Variants in RGS20 observed in about 807,000 individuals in gnomAD.
The protein encoded by RGS20 is gz-selective GTPase-activating protein.
RGS20 carries 30 observed loss-of-function variants against 33.6 expected under a neutral mutation model. The ratio of observed to expected loss-of-function variants is 0.89; its 90% CI spans 0.67 to 1.21. The LOEUF (loss-of-function observed/expected upper bound fraction) is 1.21, where lower values mean the gene tolerates loss of function less well. RGS20 is among the 50% of genes most tolerant of loss of function. The probability of loss-of-function intolerance (pLI) is 0.00; values close to 1 mark genes in which losing one functional copy is unlikely to be tolerated. For synonymous variants in RGS20, 208 were observed against 197.9 expected (o/e 1.05, Z -0.43); for missense variants, 472 against 502.4 (o/e 0.94, Z 0.58).
At chr8:53,872,414 T>A (rs1396402638) in intron 1 of RGS20, among the ~76,000 whole-genome samples, 1 of 152,174 alleles carries the variant, frequency 6.6e-6, no homozygotes, top group Non-Finnish European at 1.5e-5. Flanking sequence ...GTTGCCCTTA[T>A]TCAGGCTATA....
chr8:53,866,384 C>T (rs1455227062), intron 1 of RGS20, among the ~76,000 whole-genome samples: 3 of 150,574 alleles, frequency 2.0e-5, no homozygotes, highest in Non-Finnish European at 4.4e-5. Flanking sequence ...GACACATTTA[C>T]CTCTTTTTTT....
chr8:53,947,241 T>C (rs990546577), intron 4 of RGS20, among the ~76,000 whole-genome samples: 1 of 144,548 alleles, frequency 6.9e-6, no homozygotes, highest in Non-Finnish European at 1.5e-5. Context: ...CTATATAAGA[T>C]ATAGCATATT....
At chr8:53,930,892 C>T (rs1201096801) in intron 2 of RGS20, among the ~76,000 whole-genome samples, 1 of 152,148 alleles carries the variant, frequency 6.6e-6, no homozygotes, top group African/African-American at 2.4e-5. Context: ...TTGTTCAAAA[C>T]ATCTTGGTTT....
At position 53,878,117 on chromosome 8, in the gene RGS20, A is replaced by T. The variant is rs1296836565; in HGVS notation, c.166-1141A>T. Among the ~76,000 whole-genome samples the T allele has an allele frequency of 4.0e-5, 6 of 151,498 alleles. No individual in the cohort carries two copies. The South Asian group carries it at 1.2e-3, about 32-fold the overall frequency. The stretch of plus-strand genomic sequence containing the variant: ...TTCGCTGCTTCCCGCCTCCACCTTC[A>T]TTTTTTTTGGCAACCACCGCTCTTG... On this transcript the variant is annotated intron_variant, in intron 1 of 5. Transcript: ENST00000297313.
intron 1 of RGS20, among the ~76,000 whole-genome samples, chr8:53,874,196 A>G (rs544158857): frequency 2.0e-5 from 3 of 152,274 alleles, no homozygotes; most frequent in African/African-American, 4.8e-5. Context: ...AGAAAAAAGA[A>G]AGAAAGTCTG....
chr8:53,930,787 G>T (rs1250989991), intron 2 of RGS20, among the ~76,000 whole-genome samples: 1 of 152,122 alleles, frequency 6.6e-6, no homozygotes, highest in Non-Finnish European at 1.5e-5. Context: ...GACCTCAAGT[G>T]ATCTGCCTGC....
intron 2 of RGS20, among the ~76,000 whole-genome samples, chr8:53,920,282 A>G (rs1395724210): frequency 6.6e-6 from 1 of 152,100 alleles, no homozygotes; most frequent in Non-Finnish European, 1.5e-5. Context: ...TTTTGATACT[A>G]TATTGGAATT....
In RGS20 at chr8:53,874,367, GGTGTGTGTGTGT is replaced by G. The variant is rs138636662; in HGVS notation, c.166-4867_166-4856del. 6.2e-3 allele frequency among the ~76,000 whole-genome samples: 913 copies of G among 146,584 alleles called. 2 individuals are homozygous for G. Among genetic ancestry groups the G allele is most frequent in the African/African-American group, 0.01 (410 of 39,920 alleles). ...CCCCAGAGAATCAGAAGCAATAAGG[GGTGTGTGTGTGT>G]GTGTGTGTGTGTGTGTGTGTGTGCG... On this transcript the variant is annotated intron_variant, in intron 1 of 5. Coordinates refer to ENST00000297313, the MANE Select transcript of RGS20 (RefSeq NM_170587.4).
chr8:53,907,425 A>G (rs1813212613), intron 2 of RGS20, among the ~76,000 whole-genome samples: 1 of 151,992 alleles, frequency 6.6e-6, no homozygotes, highest in Non-Finnish European at 1.5e-5. Context: ...CTCTACTGAA[A>G]ATATAAACAT....
chr8:53,919,652 G>A (rs970374999), intron 2 of RGS20, among the ~76,000 whole-genome samples: 5 of 149,684 alleles, frequency 3.3e-5, no homozygotes, highest in South Asian at 2.1e-4. Flanking sequence ...GCAGTGGTGC[G>A]ATCTTGGCTT....
chr8:53,933,338 A>G (rs539253495), intron 2 of RGS20, among the ~76,000 whole-genome samples: 148 of 152,272 alleles, frequency 9.7e-4, no homozygotes, highest in Admixed American at 3.7e-3. Context: ...TTCTAACCCA[A>G]TGAAAGGAAG....
intron 1 of RGS20, among the ~76,000 whole-genome samples, chr8:53,875,835 A>C (rs1812197407): frequency 6.6e-6 from 1 of 152,280 alleles, no homozygotes. Flanking sequence ...AAGATTCTGA[A>C]GGAACCTTAA....
At chr8:53,864,867 C>G (rs1294692520) in intron 1 of RGS20, among the ~76,000 whole-genome samples, 1 of 152,064 alleles carries the variant, frequency 6.6e-6, no homozygotes, top group African/African-American at 2.4e-5. Context: ...CTGAATGGCC[C>G]CTAAAATGTT....
At position 53,877,358 on chromosome 8, in the gene RGS20, G is replaced by A. The variant is rs1041157263; in HGVS notation, c.166-1900G>A. Reference sequence around the variant, plus strand: ...CCTCGCTCCGGAGTGGGGCGCAGACGCGGCCGCCGGCCCGCAGTCCCCCGC... The same window carrying A: ...CCTCGCTCCGGAGTGGGGCGCAGACACGGCCGCCGGCCCGCAGTCCCCCGC... On this transcript the variant is annotated intron_variant, in intron 1 of 5. Transcript: ENST00000297313. This position sits in a 1 kb window ranked among gnomAD's most constrained non-coding sequence, Gnocchi z 5.7. 1.1e-4 allele frequency among the ~76,000 whole-genome samples: 17 copies of A among 152,148 alleles called. No individual in the cohort carries two copies. Among genetic ancestry groups the A allele is most frequent in the Admixed American group, 2.0e-4 (3 of 15,286 alleles).
chr8:53,884,065 A>G (rs1812470711), intron 2 of RGS20, among the ~76,000 whole-genome samples: 2 of 152,194 alleles, frequency 1.3e-5, no homozygotes, highest in South Asian at 4.1e-4. Flanking sequence ...TACTATTATT[A>G]TATTGATGCT....
chr8:53,922,216 G>T (rs1368876184), intron 2 of RGS20, among the ~76,000 whole-genome samples: 3 of 151,980 alleles, frequency 2.0e-5, no homozygotes, highest in African/African-American at 4.8e-5. Context: ...TATAATTGTT[G>T]TATCTTCCTG....
At chr8:53,894,218 G>A (rs899333122) in intron 2 of RGS20, among the ~76,000 whole-genome samples, 1 of 152,106 alleles carries the variant, frequency 6.6e-6, no homozygotes, top group Non-Finnish European at 1.5e-5. Context: ...GGTTCCCTGC[G>A]AAGAGTCCAA....
intron 5 of RGS20, among the ~76,000 whole-genome samples, chr8:53,957,807 T>C (rs1239926126): frequency 6.6e-6 from 1 of 152,208 alleles, no homozygotes; most frequent in Non-Finnish European, 1.5e-5. Context: ...GGTTTCTCTT[T>C]GGCAGTTTGG....
intron 2 of RGS20, among the ~76,000 whole-genome samples, chr8:53,912,779 T>C (rs1274408080): frequency 2.6e-5 from 4 of 152,222 alleles, no homozygotes; most frequent in Non-Finnish European, 4.4e-5. Flanking sequence ...AACTTATCCT[T>C]AAACTATTAG....
Sources: gnomAD v4.1 joint callset for allele counts (sites outside exome capture counted in the v4.1 genomes callset) on GRCh38, gnomAD v4.1.1 for gene constraint, Gnocchi (gnomAD v3.1) non-coding constraint, MANE v1.5 for transcripts, NCBI Gene and HGNC (gene_info 2026-07-23, HGNC 2026-07-21) for gene names.